Variants in DSTYK observed in about 807,000 individuals in gnomAD.
DSTYK encodes the protein RIP-homologous kinase.
In DSTYK, 34 loss-of-function variants were observed where a neutral mutation model predicts 98.7. The observed-to-expected ratio is 0.34, with a 90% CI of 0.26 to 0.46. DSTYK has a LOEUF of 0.46. DSTYK is among the 20% of genes least tolerant of loss of function. The pLI is 1.00. For synonymous variants in DSTYK, 462 were observed against 457.3 expected, an observed-to-expected ratio of 1.01 and a Z score of -0.13; for missense variants, 962 against 1,181.7, an observed-to-expected ratio of 0.81 and a Z score of 2.73.
At chr1:205,198,967 G>A (rs1227524126) in intron 1 of DSTYK, among the ~76,000 whole-genome samples, 1 of 151,712 alleles carries the variant, frequency 6.6e-6, no homozygotes, top group Non-Finnish European at 1.5e-5. Flanking sequence ...AGGCACTAAA[G>A]CTCTTAATCT....
intron 2 of DSTYK, chr1:205,173,116 G>A (rs1457494571): frequency 2.0e-5 from 3 of 152,172 alleles, no homozygotes; most frequent in African/African-American, 7.2e-5. Flanking sequence ...ACATTAGGCT[G>A]GGTGTGGTGG....
Position 205,161,302 on chromosome 1 carries a change from C to T in DSTYK, c.1904G>A (p.Arg635His), listed in dbSNP as rs774289190. 10 of 1,613,932 alleles carry T rather than the reference C, an allele frequency of 6.2e-6. No individual in the cohort carries two copies. Among genetic ancestry groups the T allele is most frequent in the Admixed American group, 1.7e-5 (1 of 59,998 alleles). Residue 635 changes from arginine to histidine, a missense_variant, in exon 7 of 13, where the codon CGC becomes CAC. By Grantham distance (29) the Arg-to-His change is conservative. Transcript: ENST00000367162. ...VRKDHAPRLA[R>H]LSLESCSLQD... ...TAAAGAACAGCTTTCCAGAGAAAGGCGGGCCAGGCGGGGAGCATGATCTTT... is the reference window on the plus strand; with the variant it reads ...TAAAGAACAGCTTTCCAGAGAAAGGTGGGCCAGGCGGGGAGCATGATCTTT...
At chr1:205,159,066 G>T (rs1235944282) in intron 9 of DSTYK, among the ~76,000 whole-genome samples, 1 of 152,006 alleles carries the variant, frequency 6.6e-6, no homozygotes, top group Non-Finnish European at 1.5e-5. Context: ...GGTGAAAATA[G>T]GTTCTGATAA....
rs1161137381 is a variant in DSTYK, at chr1:205,179,627, A to C, written c.654+7791T>G. Among the ~76,000 whole-genome samples the C allele has an allele frequency of 2.0e-5, 3 of 151,872 alleles. No individual in the cohort carries two copies. The East Asian group carries it at 5.8e-4, about 29-fold the overall frequency. On this transcript the variant is annotated intron_variant, in intron 2 of 12. Transcript: ENST00000367162. The stretch of plus-strand genomic sequence containing the variant: ...CAGAGTGAGAGTCCGTCTCAAAAAA[A>C]AAAAAAAAAAGATAGACTAGATGCT...
At chr1:205,200,358 G>A (rs953263107) in intron 1 of DSTYK, among the ~76,000 whole-genome samples, 5 of 151,832 alleles carry the variant, frequency 3.3e-5, no homozygotes, top group Non-Finnish European at 7.4e-5. Context: ...ATTTTTAATC[G>A]AGATGGGGTT....
At chr1:205,157,140 A>G (rs1334986133) in intron 10 of DSTYK, 133 bp downstream of exon 10, 2 of 673,368 alleles carry the variant, frequency 3.0e-6, no homozygotes, top group Non-Finnish European at 5.1e-6. Context: ...TGTCTTTACT[A>G]GCAGCGTGAG....
intron 1 of DSTYK, among the ~76,000 whole-genome samples, chr1:205,201,941 C>T (rs888189967): frequency 5.3e-5 from 8 of 152,024 alleles, no homozygotes; most frequent in Non-Finnish European, 7.4e-5. Context: ...TGCCTGTGAT[C>T]CCAGCTACTC....
In DSTYK at chr1:205,150,991, C is replaced by T. The variant is rs1374234103; in HGVS notation, c.2353-197G>A. On this transcript the variant is annotated intron_variant, in intron 10 of 12. Transcript: ENST00000367162. This position sits in a 1 kb window ranked among gnomAD's most constrained non-coding sequence, Gnocchi z 4.1. ...ACCAACCCAGATGGTATACCTGCTA[C>T]ACACCTAGTATGGTCTTTTGCTACT... Among the ~76,000 whole-genome samples, 5 of 152,218 alleles carry T rather than the reference C, an allele frequency of 3.3e-5. No homozygotes were observed. The highest frequency in any genetic ancestry group is 2.1e-4 in the South Asian group (1 of 4,836).
chr1:205,158,508 T>C (rs1025251897), intron 9 of DSTYK, among the ~76,000 whole-genome samples: 2 of 152,148 alleles, frequency 1.3e-5, no homozygotes, highest in Non-Finnish European at 2.9e-5. Flanking sequence ...TCAAATAAAA[T>C]CCTTTAGTAG....
chr1:205,202,112 G>C (rs1222384251), intron 1 of DSTYK: 3 of 451,552 alleles, frequency 6.6e-6, no homozygotes, highest in Non-Finnish European at 1.3e-5. Context: ...AGGGGGAAGG[G>C]AGAAGGGGAA....
intron 1 of DSTYK, among the ~76,000 whole-genome samples, chr1:205,192,244 G>A (rs1458538354): frequency 4.6e-5 from 7 of 152,094 alleles, no homozygotes; most frequent in Non-Finnish European, 7.4e-5. Context: ...TAAAAATGAA[G>A]AAATGGACCA....
intron 1 of DSTYK, among the ~76,000 whole-genome samples, chr1:205,193,271 T>C (rs944993799): frequency 6.6e-6 from 1 of 152,236 alleles, no homozygotes; most frequent in Admixed American, 6.5e-5. Context: ...GAAATACTCG[T>C]GACCTGTTTC....
At position 205,187,640 on chromosome 1, in the gene DSTYK, A is replaced by C; in HGVS notation, c.432T>G (p.Ser144Arg). ...VQVLPTTKLG[S>R]EESCKLRRLR... ...GGCGCCGAAGCTTACAGCTCTCCTCACTGCCCAGCTTGGTGGTGGGAAGCA... is the reference window on the plus strand; with the variant it reads ...GGCGCCGAAGCTTACAGCTCTCCTCCCTGCCCAGCTTGGTGGTGGGAAGCA... Residue 144 changes from serine (S) to arginine (R), a missense_variant, in exon 2 of 13, where the codon AGT becomes AGG. Physicochemically the swap from Ser to Arg is moderately radical, Grantham distance 110 (BLOSUM62 -1). Transcript: ENST00000367162. 1.2e-6 allele frequency: 2 copies of C among 1,614,106 alleles called. No individual in the cohort carries two copies. The highest frequency in any genetic ancestry group is 1.7e-6 in the Non-Finnish European group (2 of 1,180,022).
chr1:205,209,655 T>TA lies in DSTYK; in HGVS notation c.265+1615_265+1616insT, dbSNP rs1178630464. On this transcript the variant is annotated intron_variant, in intron 1 of 12. Transcript: ENST00000367162. ...TGACTAGTTTTTCTGAAACTACTAG[T>TA]TTTTCTGATACTGTCATGATCTTAG... 2.4e-4 allele frequency among the ~76,000 whole-genome samples: 11 copies of TA among 45,754 alleles called. 3 individuals carry two copies. Among genetic ancestry groups the TA allele is most frequent in the East Asian group, 1.9e-3 (2 of 1,044 alleles). 30.0% of individuals were successfully genotyped at this position (45,754 alleles called of 152,430 possible).
intron 1 of DSTYK, among the ~76,000 whole-genome samples, chr1:205,192,672 G>A (rs1047977700): frequency 6.6e-6 from 1 of 152,058 alleles, no homozygotes; most frequent in Non-Finnish European, 1.5e-5. Context: ...GACCAGCCTA[G>A]CCAATATGGT....
intron 1 of DSTYK, among the ~76,000 whole-genome samples, chr1:205,195,408 A>T (rs896053854): frequency 6.6e-6 from 1 of 152,250 alleles, no homozygotes; most frequent in Non-Finnish European, 1.5e-5. Flanking sequence ...CAAAAATTCC[A>T]GGGACTGAGA....
At chr1:205,172,748 C>T (rs1440997596) in intron 2 of DSTYK, among the ~76,000 whole-genome samples, 2 of 152,164 alleles carry the variant, frequency 1.3e-5, no homozygotes, top group Non-Finnish European at 2.9e-5. Context: ...CTCCCTAAAG[C>T]TCAAAGTGCT....
intron 1 of DSTYK, among the ~76,000 whole-genome samples, chr1:205,208,925 C>A (rs1343998636): frequency 6.6e-6 from 1 of 152,182 alleles, no homozygotes; most frequent in African/African-American, 2.4e-5. Flanking sequence ...CCCCCAAACT[C>A]TCCACGCTGA....
At chr1:205,161,783 C>G (rs1657727818) in intron 6 of DSTYK, among the ~76,000 whole-genome samples, 1 of 152,154 alleles carries the variant, frequency 6.6e-6, no homozygotes, top group Non-Finnish European at 1.5e-5. Flanking sequence ...GAGCTCACTC[C>G]ATTCTCCCGA....
Sources: allele counts gnomAD v4.1 joint callset (sites outside exome capture counted in the v4.1 genomes callset), GRCh38; gene constraint gnomAD v4.1.1; non-coding constraint Gnocchi (gnomAD v3.1); transcripts MANE v1.5; gene names NCBI Gene and HGNC (gene_info 2026-07-23, HGNC 2026-07-21).